MCF2L: variants seen among roughly 807,000 people sequenced by gnomAD.
MCF2L encodes MCF.2 cell line derived transforming sequence like, also known as guanine nucleotide exchange factor DBS.
In MCF2L, 97 loss-of-function variants were observed where a neutral mutation model predicts 153.4. That is an observed-to-expected ratio of 0.63 (90% CI 0.54 to 0.75). The LOEUF (loss-of-function observed/expected upper bound fraction) is 0.75. MCF2L is among the 30% of genes least tolerant of loss of function. The probability of loss-of-function intolerance (pLI) is 0.00; values close to 1 mark genes in which losing one functional copy is unlikely to be tolerated. For missense variants in MCF2L, 1,347 were observed against 1,495.2 expected (o/e 0.90, Z 1.64); for synonymous variants, 659 against 632.2 (o/e 1.04, Z -0.64).
intron 2 of MCF2L, among the ~76,000 whole-genome samples, chr13:113,017,040 A>G (rs2084571492): frequency 6.6e-6 from 1 of 152,154 alleles, no homozygotes. Flanking sequence ...CAGCAGTACC[A>G]CGTCTGAGAA....
At chr13:113,090,028 T>A in intron 26 of MCF2L, 1 of 1,597,804 alleles carries the variant, frequency 6.3e-7, no homozygotes, top group Non-Finnish European at 8.5e-7. Flanking sequence ...CGCATCGGGT[T>A]GCGATGCCCT....
intron 2 of MCF2L, among the ~76,000 whole-genome samples, chr13:112,942,545 T>C (rs991098235): frequency 2.0e-5 from 3 of 152,238 alleles, no homozygotes; most frequent in African/African-American, 7.2e-5. Flanking sequence ...TGTGTCTTTA[T>C]TTCTACACTC....
chr13:113,060,767 T>A (rs2031263501), intron 5 of MCF2L, 55 bp downstream of exon 5: 2 of 1,594,646 alleles, frequency 1.3e-6, no homozygotes, highest in African/African-American at 2.7e-5. Context: ...ATTGCCGTCC[T>A]GGCCCATCTG....
At position 113,080,187 on chromosome 13, in the gene MCF2L, AG is replaced by A. The variant is rs768201208; in HGVS notation, c.1809-1020del. 3.7e-4 allele frequency among the ~76,000 whole-genome samples: 45 copies of A among 123,196 alleles called. No homozygotes were observed. The East Asian group carries it at 8.9e-3, about 24-fold the overall frequency. The allele number at this position is 123,196 out of a possible 152,430, so 80.8% of individuals were successfully genotyped here. ...AGTCCATACGGAAGAGGGTCCAGGC[AG>A]GGGGGCATCCGCACAGAGGAGGGTC... is the stretch of plus-strand genomic sequence containing the variant. On this transcript the variant is annotated intron_variant, in intron 15 of 29. Coordinates refer to ENST00000535094, the MANE Select transcript of MCF2L (RefSeq NM_001112732.3).
chr13:113,034,652 T>C (rs527824304), intron 3 of MCF2L, among the ~76,000 whole-genome samples: 8 of 148,230 alleles, frequency 5.4e-5, no homozygotes, highest in East Asian at 2.0e-4. Flanking sequence ...CCCTCGCCCT[T>C]GCCCTGGTCT....
chr13:113,032,613 G>C (rs2085796239), intron 3 of MCF2L, among the ~76,000 whole-genome samples: 1 of 152,150 alleles, frequency 6.6e-6, no homozygotes, highest in African/African-American at 2.4e-5. Flanking sequence ...CTGTCACCCA[G>C]ACTGGAGTGC....
chr13:112,916,816 C>G (rs1270565266), intron 2 of MCF2L, among the ~76,000 whole-genome samples: 3 of 152,148 alleles, frequency 2.0e-5, no homozygotes, highest in Non-Finnish European at 4.4e-5. Context: ...CCCATCCTCA[C>G]TTCTAATGGG....
intron 2 of MCF2L, among the ~76,000 whole-genome samples, chr13:112,936,380 G>GCCACCC (rs978600094): frequency 2.0e-5 from 3 of 150,946 alleles, no homozygotes; most frequent in Admixed American, 1.3e-4. Context: ...ATATTTTTAT[G>GCCACCC]CCACCCAATC....
intron 17 of MCF2L, among the ~76,000 whole-genome samples, 166 bp from the exon 18 acceptor site, chr13:113,083,832 A>C (rs2034381932): frequency 6.6e-6 from 1 of 152,224 alleles, no homozygotes; most frequent in Admixed American, 6.5e-5. Flanking sequence ...GGCGCCTGAG[A>C]GCTTGGTGCT....
At chr13:113,062,858 A>T (rs910966074) in intron 5 of MCF2L, among the ~76,000 whole-genome samples, 3 of 152,132 alleles carry the variant, frequency 2.0e-5, no homozygotes, top group Admixed American at 6.5e-5. Context: ...AGAGGAGCTT[A>T]TGCGGCCGTC....
At chr13:112,974,695 C>T (rs767864095) in intron 1 of MCF2L, among the ~76,000 whole-genome samples, 1 of 152,114 alleles carries the variant, frequency 6.6e-6, no homozygotes, top group South Asian at 2.1e-4. Flanking sequence ...GAAGCTGGCT[C>T]GGGAGACCTG....
At chr13:112,933,127 C>CCACA (rs2081480495) in intron 2 of MCF2L, among the ~76,000 whole-genome samples, 1 of 152,162 alleles carries the variant, frequency 6.6e-6, no homozygotes, top group Non-Finnish European at 1.5e-5. Flanking sequence ...AGTGCTGGGC[C>CCACA]GACAGCCTTC....
intron 3 of MCF2L, chr13:113,044,931 C>A: frequency 6.2e-7 from 1 of 1,605,582 alleles, no homozygotes; most frequent in South Asian, 1.1e-5. Flanking sequence ...GTCAGCTGGT[C>A]ACCCAGGAAA....
At chr13:112,984,818 C>T (rs1264712298) in intron 1 of MCF2L, among the ~76,000 whole-genome samples, 2 of 152,126 alleles carry the variant, frequency 1.3e-5, no homozygotes, top group Non-Finnish European at 2.9e-5. Context: ...CGTCAGGATG[C>T]AGGTCCCGGT....
At chr13:113,030,551 G>A (rs531875970) in intron 3 of MCF2L, among the ~76,000 whole-genome samples, 3 of 141,970 alleles carry the variant, frequency 2.1e-5, no homozygotes, top group East Asian at 2.1e-4. Flanking sequence ...GTCCACCGAC[G>A]CAGATGTGGG....
intron 2 of MCF2L, among the ~76,000 whole-genome samples, chr13:112,918,944 G>A (rs981043080): frequency 3.9e-5 from 6 of 152,084 alleles, no homozygotes; most frequent in African/African-American, 4.8e-5. Flanking sequence ...CTGCCCCTGC[G>A]CTTCCCCGAC....
At chr13:112,921,131 T>G (rs903561410) in intron 2 of MCF2L, among the ~76,000 whole-genome samples, 6 of 151,888 alleles carry the variant, frequency 4.0e-5, no homozygotes, top group African/African-American at 9.7e-5. Context: ...GAGCCGAGAT[T>G]GCACCACTGC....
At position 113,076,006 on chromosome 13, in the gene MCF2L, C is replaced by T. The variant is rs2033434274; in HGVS notation, c.1349C>T (p.Ser450Leu). The change falls in exon 12 of 30, where the codon TCA becomes TTA. Residue 450 changes from serine to leucine, a missense_variant. Transcript: ENST00000535094. ...GATGAAGGGATTTACCTGCTGGCCT[C>T]ACAACCTGTGGACAAGTGCCAGTCC... is the stretch of plus-strand genomic sequence containing the variant. Reference protein sequence around the residue: ...WCDEGIYLLASQPVDKCQSQD... With the variant: ...WCDEGIYLLALQPVDKCQSQD... The T allele has an allele frequency of 6.2e-7, 1 of 1,613,326 alleles. No homozygotes were observed. The highest frequency in any genetic ancestry group is 1.1e-5 in the South Asian group (1 of 90,940).
At chr13:112,903,615 G>C (rs937086623) in intron 2 of MCF2L, among the ~76,000 whole-genome samples, 1 of 152,166 alleles carries the variant, frequency 6.6e-6, no homozygotes, top group Non-Finnish European at 1.5e-5. Flanking sequence ...CTGGCTGGCT[G>C]GGGGGCTGCG....
Sources: allele counts gnomAD v4.1 joint callset (sites outside exome capture counted in the v4.1 genomes callset), GRCh38; gene constraint gnomAD v4.1.1; transcripts MANE v1.5; gene names NCBI Gene and HGNC (gene_info 2026-07-23, HGNC 2026-07-21).